The following NFATC2 variants were observed in gnomAD, a reference collection of about 807,000 sequenced individuals.
NFATC2 encodes the protein nuclear factor of activated T cells 2, also known as nuclear factor of activated T-cells, cytoplasmic 2.
A neutral mutation model predicts 87.3 loss-of-function variants in NFATC2; 22 were observed. The observed-to-expected ratio is 0.25, with a 90% CI of 0.18 to 0.36. The LOEUF (loss-of-function observed/expected upper bound fraction) is 0.36. Among genes scored for constraint, NFATC2 ranks in the 10% least tolerant of loss-of-function variants. The pLI is 1.00. For synonymous variants in NFATC2, 565 were observed against 542.2 expected, an observed-to-expected ratio of 1.04 and a Z score of -0.58; for missense variants, 1,149 against 1,259.1, an observed-to-expected ratio of 0.91 and a Z score of 1.32.
chr20:51,398,599 C>A, intron 10 of NFATC2, 44 bp downstream of exon 10: 2 of 1,421,730 alleles, frequency 1.4e-6, no homozygotes, highest in South Asian at 1.3e-5. Flanking sequence ...GTTAAGGAAA[C>A]ACACAGCTGG....
chr20:51,506,326 A>G (rs1600897361), intron 3 of NFATC2, among the ~76,000 whole-genome samples: 1 of 152,276 alleles, frequency 6.6e-6, no homozygotes, highest in East Asian at 1.9e-4. Context: ...ATTCCACATC[A>G]TGTGCTTGTC....
At chr20:51,551,791 G>A (rs1173379372) in intron 1 of NFATC2, among the ~76,000 whole-genome samples, 1 of 152,064 alleles carries the variant, frequency 6.6e-6, no homozygotes, top group African/African-American at 2.4e-5. Context: ...ACATTGGGAG[G>A]CCAAGGTGGG....
intron 9 of NFATC2, among the ~76,000 whole-genome samples, chr20:51,406,117 G>A (rs1444020501): frequency 6.6e-6 from 1 of 152,188 alleles, no homozygotes; most frequent in Non-Finnish European, 1.5e-5. Context: ...ATCCCATGAA[G>A]TAGGTATTGA....
At chr20:51,419,748 G>C (rs528671329) in intron 9 of NFATC2, among the ~76,000 whole-genome samples, 2 of 152,196 alleles carry the variant, frequency 1.3e-5, no homozygotes, top group Non-Finnish European at 2.9e-5. Flanking sequence ...ACCGCAAGGA[G>C]TATCTCAGCA....
At chr20:51,419,730 T>A (rs1980594785) in intron 9 of NFATC2, among the ~76,000 whole-genome samples, 1 of 152,120 alleles carries the variant, frequency 6.6e-6, no homozygotes, top group Admixed American at 6.5e-5. Context: ...GCTCAAAGAC[T>A]CCATAACACC....
chr20:51,541,512 C>G (rs548532059), intron 1 of NFATC2, among the ~76,000 whole-genome samples: 417 of 152,282 alleles, frequency 2.7e-3, no homozygotes, highest in Middle Eastern at 6.8e-3. Flanking sequence ...AGCATTGGGC[C>G]CAGCCCGGGG....
At chr20:51,522,285 G>A (rs890178590) in intron 2 of NFATC2, among the ~76,000 whole-genome samples, 1 of 150,836 alleles carries the variant, frequency 6.6e-6, no homozygotes, top group African/African-American at 2.4e-5. Flanking sequence ...AAAGCGGGGC[G>A]GGGGGGTCGG....
intron 1 of NFATC2, among the ~76,000 whole-genome samples, chr20:51,555,610 C>T (rs2076971873): frequency 6.6e-6 from 1 of 151,554 alleles, no homozygotes; most frequent in Non-Finnish European, 1.5e-5. Flanking sequence ...AAAAAAAGAT[C>T]CTATGTGATC....
chr20:51,529,648 CA>C, intron 1 of NFATC2, among the ~76,000 whole-genome samples: 1 of 152,248 alleles, frequency 6.6e-6, no homozygotes, highest in Non-Finnish European at 1.5e-5. Flanking sequence ...GGAGGATTTC[CA>C]AAAAGCTTGC....
At chr20:51,525,377 C>T (rs1193180544) in intron 1 of NFATC2, among the ~76,000 whole-genome samples, 1 of 152,168 alleles carries the variant, frequency 6.6e-6, no homozygotes, top group African/African-American at 2.4e-5. Flanking sequence ...CTATGTCAGC[C>T]ACCCAAGGAC....
chr20:51,430,624 G>A (rs1036704013), intron 9 of NFATC2, among the ~76,000 whole-genome samples: 27 of 152,262 alleles, frequency 1.8e-4, no homozygotes, highest in African/African-American at 2.2e-4. Flanking sequence ...TTCAGGGGAC[G>A]TTTTTGATCG....
intron 6 of NFATC2, among the ~76,000 whole-genome samples, chr20:51,445,221 G>A (rs1984904665): frequency 6.6e-6 from 1 of 152,048 alleles, no homozygotes; most frequent in African/African-American, 2.4e-5. Context: ...TCTCCAGGCT[G>A]GGCTCTCACT....
chr20:51,406,504 A>T (rs1184964471), intron 9 of NFATC2, among the ~76,000 whole-genome samples: 1 of 152,204 alleles, frequency 6.6e-6, no homozygotes, highest in Non-Finnish European at 1.5e-5. Flanking sequence ...TACACATCTA[A>T]AAGGTGAAAT....
At chr20:51,494,133 G>A (rs751223553) in intron 3 of NFATC2, among the ~76,000 whole-genome samples, 2 of 151,882 alleles carry the variant, frequency 1.3e-5, no homozygotes, top group South Asian at 2.1e-4. Flanking sequence ...CTCGGTCACC[G>A]TTACTTTGCT....
chr20:51,487,303 C>T (rs548720982), intron 3 of NFATC2, among the ~76,000 whole-genome samples: 6 of 152,212 alleles, frequency 3.9e-5, no homozygotes, highest in South Asian at 2.1e-4. Context: ...GGATGGCAGC[C>T]GCTTCAGAAC....
intron 1 of NFATC2, among the ~76,000 whole-genome samples, chr20:51,561,431 AAAAGAAAGAAAGAAAGAAAGAAAG>A (rs1184978605): frequency 2.7e-5 from 3 of 110,176 alleles, no homozygotes; most frequent in Non-Finnish European, 5.6e-5. Flanking sequence ...AGAGAGAAAG[AAAAGAAAGAAAGAAAGAAAGAAAG>A]AAAGAAAGAA....
At chr20:51,522,047 G>A (rs2076453839) in intron 2 of NFATC2, among the ~76,000 whole-genome samples, 1 of 152,210 alleles carries the variant, frequency 6.6e-6, no homozygotes, top group Non-Finnish European at 1.5e-5. Flanking sequence ...TAGAGATGAT[G>A]TAATGTATAT....
chr20:51,554,121 C>T (rs772344826), intron 1 of NFATC2, among the ~76,000 whole-genome samples: 17 of 152,246 alleles, frequency 1.1e-4, no homozygotes, highest in Non-Finnish European at 2.1e-4. Flanking sequence ...CAACTAAACC[C>T]TGGAGCACAC....
chr20:51,470,323 C>G (rs528907281), intron 5 of NFATC2, among the ~76,000 whole-genome samples: 1 of 152,084 alleles, frequency 6.6e-6, no homozygotes, highest in Admixed American at 6.6e-5. Flanking sequence ...AGGATCTCCT[C>G]GGCAATGCTG....
Sources: allele counts gnomAD v4.1 joint callset (sites outside exome capture counted in the v4.1 genomes callset), GRCh38; gene constraint gnomAD v4.1.1; transcripts MANE v1.5; gene names NCBI Gene and HGNC (gene_info 2026-07-23, HGNC 2026-07-21).